Variants in STK32B observed in about 807,000 individuals in gnomAD.
The protein encoded by STK32B is serine/threonine kinase 32B, also known as serine/threonine-protein kinase 32B.
In STK32B, 43 loss-of-function variants were observed where a neutral mutation model predicts 52.6. The observed-to-expected ratio is 0.82, with a 90% CI of 0.64 to 1.05. The LOEUF (loss-of-function observed/expected upper bound fraction) is 1.05, where lower values mean the gene tolerates loss of function less well. STK32B is among the 50% of genes least tolerant of loss of function. The pLI, the probability that STK32B is intolerant of heterozygous loss-of-function variation, is 0.00. For missense variants in STK32B, 621 were observed against 534.6 expected, an observed-to-expected ratio of 1.16 and a Z score of -1.59; for synonymous variants, 238 against 204.3, an observed-to-expected ratio of 1.17 and a Z score of -1.41.
intron 3 of STK32B, among the ~76,000 whole-genome samples, chr4:5,234,582 C>T (rs886635812): frequency 6.6e-6 from 1 of 152,194 alleles, no homozygotes; most frequent in African/African-American, 2.4e-5. Context: ...TGAACTCATT[C>T]CTTTTTATTT....
chr4:5,237,825 T>C (rs936048236), intron 3 of STK32B, among the ~76,000 whole-genome samples: 1 of 152,178 alleles, frequency 6.6e-6, no homozygotes, highest in African/African-American at 2.4e-5. Context: ...ACGCTGGAGA[T>C]TGACAGTGAG....
Position 5,268,538 on chromosome 4 carries a change from GGTGTGTGTGTGTGTGTGT to G in STK32B, c.261-62653_261-62636del, listed in dbSNP as rs10593272. On this transcript the variant is annotated intron_variant, in intron 3 of 11. Transcript: ENST00000282908. ...AGCACTATTTGAAGTTGCTTGGTGTGGTGTGTGTGTGTGTGTGTGTGTGTGTGTGTGTGTGTGTGTGTG... is the reference window on the plus strand; with the variant it reads ...AGCACTATTTGAAGTTGCTTGGTGTGGTGTGTGTGTGTGTGTGTGTGTGTG... Among the ~76,000 whole-genome samples the G allele has an allele frequency of 1.1e-3, 152 of 140,194 alleles. 1 individual carries two copies. The highest frequency in any genetic ancestry group is 9.5e-3 in the East Asian group (44 of 4,642). 92.0% of individuals were successfully genotyped at this position (140,194 alleles called of 152,430 possible).
intron 6 of STK32B, among the ~76,000 whole-genome samples, chr4:5,433,968 A>G (rs1346771278): frequency 3.3e-5 from 5 of 152,210 alleles, no homozygotes; most frequent in South Asian, 2.1e-4. Flanking sequence ...GGCCCGTTAT[A>G]TGATGCCCTA....
chr4:5,353,228 C>T (rs747477725), intron 4 of STK32B, among the ~76,000 whole-genome samples: 1 of 152,126 alleles, frequency 6.6e-6, no homozygotes, highest in African/African-American at 2.4e-5. Flanking sequence ...CTGGACTCAT[C>T]TCTCACCATA....
rs990331661 is a variant in STK32B, at chr4:5,331,451, G to T, written c.434+58G>T. 12 of 1,553,830 alleles carry T rather than the reference G, an allele frequency of 7.7e-6. No individual in the cohort carries two copies. The South Asian group carries it at 1.3e-4, about 17-fold the overall frequency. On this transcript the variant is annotated intron_variant, in intron 4 of 11. Transcript: ENST00000282908. ...GAGGGACCATGGGCTAGGGTGTCAG[G>T]AGCAGTCTGCAGTAGTGGGGAGAGA... is the stretch of plus-strand genomic sequence containing the variant.
At chr4:5,359,008 A>C (rs1190486049) in intron 4 of STK32B, among the ~76,000 whole-genome samples, 1 of 152,136 alleles carries the variant, frequency 6.6e-6, no homozygotes, top group Non-Finnish European at 1.5e-5. Flanking sequence ...TTAACACAGG[A>C]AAGGGGTTGG....
chr4:5,101,142 C>G (rs1164464294), intron 1 of STK32B, among the ~76,000 whole-genome samples: 68 of 152,202 alleles, frequency 4.5e-4, no homozygotes, highest in Non-Finnish European at 1.5e-5. Flanking sequence ...CTCCTGCCCT[C>G]AAGCAATGCT....
At chr4:5,498,194 G>T (rs999409578) in intron 11 of STK32B, among the ~76,000 whole-genome samples, 1 of 152,132 alleles carries the variant, frequency 6.6e-6, no homozygotes, top group Non-Finnish European at 1.5e-5. Flanking sequence ...TCTCCATTCC[G>T]TTCTTGCTGC....
At chr4:5,362,573 C>T (rs1004933932) in intron 4 of STK32B, among the ~76,000 whole-genome samples, 8 of 152,206 alleles carry the variant, frequency 5.3e-5, no homozygotes, top group African/African-American at 4.8e-5. Context: ...TGGAACAGCC[C>T]TGAGATTAGC....
At chr4:5,306,847 C>G (rs1729957314) in intron 3 of STK32B, among the ~76,000 whole-genome samples, 2 of 128,530 alleles carry the variant, frequency 1.6e-5, no homozygotes, top group African/African-American at 3.6e-5. Context: ...GTGGCAAATT[C>G]TCTCAGCATT....
chr4:5,350,628 C>T (rs1200816436), intron 4 of STK32B, among the ~76,000 whole-genome samples: 1 of 152,002 alleles, frequency 6.6e-6, no homozygotes, highest in Non-Finnish European at 1.5e-5. Flanking sequence ...CAGGAATATA[C>T]CCTCACATAT....
chr4:5,394,068 C>A lies in STK32B; in HGVS notation c.435-4139C>A, dbSNP rs1362584557. Among the ~76,000 whole-genome samples, 3 of 152,210 alleles carry A rather than the reference C, an allele frequency of 2.0e-5. No individual in the cohort carries two copies. The highest frequency in any genetic ancestry group is 7.2e-5 in the African/African-American group (3 of 41,458). ...TTGAGAAGCCCCCTGCCAAAAGACA[C>A]ATGCAGAAACATCCTGGTGGCCCTG... is the stretch of plus-strand genomic sequence containing the variant. On this transcript the variant is annotated intron_variant, in intron 4 of 11. Transcript: ENST00000282908. This position sits in a 1 kb window ranked among gnomAD's most constrained non-coding sequence, Gnocchi z 4.2.
At chr4:5,275,582 G>T (rs72613192) in intron 3 of STK32B, among the ~76,000 whole-genome samples, 1 of 151,744 alleles carries the variant, frequency 6.6e-6, no homozygotes, top group Non-Finnish European at 1.5e-5. Context: ...ACTCCTGTTC[G>T]TGCCTCAGAT....
chr4:5,136,181 T>C (rs1312935280), intron 1 of STK32B, among the ~76,000 whole-genome samples: 1 of 152,202 alleles, frequency 6.6e-6, no homozygotes, highest in Non-Finnish European at 1.5e-5. Context: ...GCTGGGTTTT[T>C]GTTATCAAGA....
chr4:5,199,589 T>C (rs1449131173), intron 3 of STK32B, among the ~76,000 whole-genome samples: 1 of 152,182 alleles, frequency 6.6e-6, no homozygotes, highest in African/African-American at 2.4e-5. Context: ...TAAATTTTCT[T>C]TTCACTTCTC....
intron 3 of STK32B, among the ~76,000 whole-genome samples, chr4:5,257,507 C>T (rs1726406479): frequency 6.6e-6 from 1 of 152,204 alleles, no homozygotes; most frequent in Non-Finnish European, 1.5e-5. Context: ...CACCAGCCAC[C>T]ATCATCAGCC....
intron 4 of STK32B, among the ~76,000 whole-genome samples, chr4:5,339,232 C>T (rs550658425): frequency 7.6e-4 from 115 of 152,292 alleles, no homozygotes; most frequent in Non-Finnish European, 1.5e-3. Context: ...GATAGCAGAT[C>T]ATAGGACTTC....
intron 9 of STK32B, among the ~76,000 whole-genome samples, chr4:5,462,342 G>A (rs552563252): frequency 5.3e-5 from 8 of 151,492 alleles, no homozygotes; most frequent in South Asian, 2.1e-4. Context: ...ATATGTGTCC[G>A]TGTGCCTGTG....
At chr4:5,054,615 G>C (rs1181437093) in intron 1 of STK32B, among the ~76,000 whole-genome samples, 13 of 152,196 alleles carry the variant, frequency 8.5e-5, no homozygotes, top group Admixed American at 2.6e-4. Flanking sequence ...AGGGCCCAGT[G>C]GCCGTGGTCA....
Sources: gnomAD v4.1 joint callset for allele counts (sites outside exome capture counted in the v4.1 genomes callset) on GRCh38, gnomAD v4.1.1 for gene constraint, Gnocchi (gnomAD v3.1) non-coding constraint, MANE v1.5 for transcripts, NCBI Gene and HGNC (gene_info 2026-07-23, HGNC 2026-07-21) for gene names.